Variants in SLC8A1 observed in about 807,000 individuals in gnomAD.
SLC8A1 encodes the protein sodium/calcium exchanger 1.
A neutral mutation model predicts 68.3 loss-of-function variants in SLC8A1; 18 were observed. The ratio of observed to expected loss-of-function variants is 0.26; its 90% CI spans 0.18 to 0.39. The LOEUF is 0.39. Among genes scored for constraint, SLC8A1 ranks in the 10% least tolerant of loss-of-function variants. The pLI, the probability that SLC8A1 is intolerant of heterozygous loss-of-function variation, is 1.00. For missense variants in SLC8A1, 985 were observed against 1,156.7 expected, an observed-to-expected ratio of 0.85 and a Z score of 2.15; for synonymous variants, 475 against 415.5, an observed-to-expected ratio of 1.14 and a Z score of -1.74.
At chr2:40,287,692 G>A (rs550509392) in intron 2 of SLC8A1, among the ~76,000 whole-genome samples, 1 of 151,586 alleles carries the variant, frequency 6.6e-6, no homozygotes, top group African/African-American at 2.4e-5. Context: ...AGGCTGGAGT[G>A]AGGAACAGGG....
intron 2 of SLC8A1, among the ~76,000 whole-genome samples, chr2:40,262,848 C>T (rs1369269516): frequency 6.6e-6 from 1 of 152,132 alleles, no homozygotes; most frequent in African/African-American, 2.4e-5. Context: ...TCATATTTAG[C>T]TCTCCTCCCA....
Position 40,175,260 on chromosome 2 carries a change from C to G in SLC8A1, c.1913-418G>C. On this transcript the variant is annotated intron_variant, in intron 3 of 7. Coordinates refer to ENST00000406785, the Ensembl canonical transcript of SLC8A1. ...GGAAATGCAAGAAATGAAATGCTTACCAAGCTCATTCAATAACAGGGCTGT... is the reference window on the plus strand; with the variant it reads ...GGAAATGCAAGAAATGAAATGCTTAGCAAGCTCATTCAATAACAGGGCTGT... 1 of 1,613,032 alleles carries G rather than the reference C, an allele frequency of 6.2e-7. No individual in the cohort carries two copies. The highest frequency in any genetic ancestry group is 8.5e-7 in the Non-Finnish European group (1 of 1,179,360).
At chr2:40,438,913 G>A (rs1439569608) in intron 1 of SLC8A1, among the ~76,000 whole-genome samples, 1 of 152,140 alleles carries the variant, frequency 6.6e-6, no homozygotes, top group Admixed American at 6.5e-5. Context: ...ACAGCACACA[G>A]GGCATGGGGC....
intron 1 of SLC8A1, among the ~76,000 whole-genome samples, chr2:40,459,460 G>A (rs11124742): frequency 6.6e-6 from 1 of 152,098 alleles, no homozygotes; most frequent in Non-Finnish European, 1.5e-5. Context: ...GACTTTATCA[G>A]GGTCAGCAGC....
intron 2 of SLC8A1, among the ~76,000 whole-genome samples, chr2:40,225,657 C>T (rs139653423): frequency 1.3e-3 from 205 of 152,256 alleles, no homozygotes; most frequent in East Asian, 4.1e-3. Flanking sequence ...CTTAAAGCCG[C>T]GCTTGCCTAT....
chr2:40,459,203 G>C (rs1008396084), intron 1 of SLC8A1, among the ~76,000 whole-genome samples: 2 of 152,150 alleles, frequency 1.3e-5, no homozygotes, highest in African/African-American at 2.4e-5. Context: ...GTCATATGGA[G>C]AAACTGCTAT....
At chr2:40,271,761 AAG>A (rs879936812) in intron 2 of SLC8A1, among the ~76,000 whole-genome samples, 169 of 152,318 alleles carry the variant, frequency 1.1e-3, no homozygotes, top group Non-Finnish European at 1.9e-3. Context: ...AAACAGTGAA[AAG>A]ACAGACATGG....
At chr2:40,337,302 A>G (rs897232523) in intron 2 of SLC8A1, 5 of 349,914 alleles carry the variant, frequency 1.4e-5, no homozygotes, top group African/African-American at 8.2e-5. Context: ...ATGTTTATGC[A>G]TCATCATAAA....
chr2:40,329,830 G>T (rs777881720), intron 2 of SLC8A1, among the ~76,000 whole-genome samples: 1 of 152,094 alleles, frequency 6.6e-6, no homozygotes. Flanking sequence ...GTCCTGGCAC[G>T]CTGTCACAGA....
At chr2:40,408,476 C>G (rs1691072702) in intron 2 of SLC8A1, among the ~76,000 whole-genome samples, 1 of 152,172 alleles carries the variant, frequency 6.6e-6, no homozygotes. Flanking sequence ...CCTAAAACCA[C>G]AGGAAATTTT....
intron 2 of SLC8A1, among the ~76,000 whole-genome samples, chr2:40,255,976 G>A (rs1188790137): frequency 6.6e-6 from 1 of 152,198 alleles, no homozygotes; most frequent in Non-Finnish European, 1.5e-5. Context: ...ATGGTACAGA[G>A]GTGTCAGTCT....
At chr2:40,432,615 A>T (rs77667120) in intron 1 of SLC8A1, among the ~76,000 whole-genome samples, 1 of 151,870 alleles carries the variant, frequency 6.6e-6, no homozygotes, top group Non-Finnish European at 1.5e-5. Flanking sequence ...CAGTCTAAAA[A>T]CACAGAAAAC....
intron 2 of SLC8A1, among the ~76,000 whole-genome samples, chr2:40,201,933 TG>T (rs765688152): frequency 1.7e-4 from 26 of 151,964 alleles, no homozygotes; most frequent in Admixed American, 2.6e-4. Flanking sequence ...TGTGCCTCTT[TG>T]CAGCACATGG....
Position 40,399,304 on chromosome 2 carries a change from C to G in SLC8A1, c.1808+29169G>C, listed in dbSNP as rs114002737. Among the ~76,000 whole-genome samples the G allele has an allele frequency of 6.2e-3, 928 of 149,192 alleles. 6 individuals carry two copies. Among genetic ancestry groups the G allele is most frequent in the African/African-American group, 0.021 (862 of 40,740 alleles). ...TGACACTGTTTTGTGAGGGCCTCCTCTACCCCTCGTCTCCCCTACCCCTCG... is the reference window on the plus strand; with the variant it reads ...TGACACTGTTTTGTGAGGGCCTCCTGTACCCCTCGTCTCCCCTACCCCTCG... On this transcript the variant is annotated intron_variant, in intron 2 of 7. Transcript: ENST00000406785.
chr2:40,358,684 G>C (rs1388216504), intron 2 of SLC8A1, among the ~76,000 whole-genome samples: 1 of 152,128 alleles, frequency 6.6e-6, no homozygotes, highest in East Asian at 1.9e-4. Context: ...TCAACAATCT[G>C]TACAATGGCC....
chr2:40,120,320 C>T (rs1418736953), intron 7 of SLC8A1, among the ~76,000 whole-genome samples: 1 of 152,124 alleles, frequency 6.6e-6, no homozygotes, highest in African/African-American at 2.4e-5. Context: ...CTTGCTTCTC[C>T]CAGCAACCAG....
intron 2 of SLC8A1, among the ~76,000 whole-genome samples, chr2:40,367,097 A>C (rs1676466806): frequency 2.0e-5 from 3 of 152,024 alleles, no homozygotes; most frequent in African/African-American, 7.2e-5. Context: ...AAAACCAAAG[A>C]GTCATAAGAT....
At chr2:40,405,157 C>G (rs534601982) in intron 2 of SLC8A1, among the ~76,000 whole-genome samples, 2 of 152,276 alleles carry the variant, frequency 1.3e-5, no homozygotes, top group Admixed American at 6.5e-5. Flanking sequence ...GAACATACTT[C>G]TTAATTCCCA....
At chr2:40,369,908 G>T (rs561764951) in intron 2 of SLC8A1, among the ~76,000 whole-genome samples, 6 of 152,130 alleles carry the variant, frequency 3.9e-5, no homozygotes, top group African/African-American at 1.4e-4. Flanking sequence ...TAAATACACT[G>T]AAGACATAAT....
Sources: allele counts gnomAD v4.1 joint callset (sites outside exome capture counted in the v4.1 genomes callset), GRCh38; gene constraint gnomAD v4.1.1; transcripts MANE v1.5; gene names NCBI Gene and HGNC (gene_info 2026-07-23, HGNC 2026-07-21).